OTUD7A: variants seen among roughly 807,000 people sequenced by gnomAD.
OTUD7A encodes the protein OTU deubiquitinase 7A, also known as OTU domain-containing protein 7A.
Under a neutral mutation model 65.7 loss-of-function variants are expected in OTUD7A, and 12 were observed. That is an observed-to-expected ratio of 0.18 (90% confidence interval 0.12 to 0.30). The LOEUF is 0.30. Ranked by LOEUF, OTUD7A falls within the 10% of genes least tolerant of loss-of-function variation. OTUD7A has a pLI of 1.00. For synonymous variants in OTUD7A, 641 were observed against 586.3 expected (o/e 1.09, Z -1.35); for missense variants, 1,148 against 1,304.8 (o/e 0.88, Z 1.85).
chr15:31,591,825 G>T (rs967865722), intron 3 of OTUD7A, among the ~76,000 whole-genome samples: 1 of 152,120 alleles, frequency 6.6e-6, no homozygotes, highest in African/African-American at 2.4e-5. Flanking sequence ...ATCATTGTGC[G>T]AACGAACATC....
chr15:31,618,831 T>A (rs1227584153), intron 3 of OTUD7A, among the ~76,000 whole-genome samples: 1 of 152,214 alleles, frequency 6.6e-6, no homozygotes, highest in Non-Finnish European at 1.5e-5. Flanking sequence ...TTTGGTGTTT[T>A]AGAGATGAGT....
chr15:31,755,582 C>T (rs1292283487), intron 1 of OTUD7A, among the ~76,000 whole-genome samples: 3 of 152,042 alleles, frequency 2.0e-5, no homozygotes, highest in Admixed American at 1.3e-4. Context: ...ATTAGCCAGG[C>T]GTGCTGGCGG....
intron 1 of OTUD7A, among the ~76,000 whole-genome samples, chr15:31,722,343 A>C (rs575951871): frequency 6.6e-6 from 1 of 152,332 alleles, no homozygotes; most frequent in East Asian, 1.9e-4. Flanking sequence ...ACACAGGTAT[A>C]TATTCTATGG....
At chr15:31,573,879 C>T (rs775995208) in intron 3 of OTUD7A, among the ~76,000 whole-genome samples, 2 of 151,796 alleles carry the variant, frequency 1.3e-5, no homozygotes, top group Non-Finnish European at 2.9e-5. Flanking sequence ...CCAGCCTGGG[C>T]GACAGAGCAA....
chr15:31,522,512 TTATATG>T, intron 8 of OTUD7A, among the ~76,000 whole-genome samples: 1 of 152,340 alleles, frequency 6.6e-6, no homozygotes, highest in East Asian at 1.9e-4. Context: ...TTAGATCTCT[TTATATG>T]TATGTCTTTT....
chr15:31,726,432 A>T (rs982315058), intron 1 of OTUD7A, among the ~76,000 whole-genome samples: 17 of 151,490 alleles, frequency 1.1e-4, no homozygotes, highest in Admixed American at 2.6e-4. Flanking sequence ...TTTCATAATT[A>T]AAAAAAAATC....
intron 8 of OTUD7A, among the ~76,000 whole-genome samples, chr15:31,520,362 A>C (rs970764934): frequency 6.6e-6 from 1 of 151,906 alleles, no homozygotes; most frequent in Non-Finnish European, 1.5e-5. Flanking sequence ...ATCTTCAACA[A>C]CACCAACAAA....
chr15:31,488,199 G>A (rs975620992), intron 10 of OTUD7A, among the ~76,000 whole-genome samples: 7 of 152,140 alleles, frequency 4.6e-5, no homozygotes, highest in African/African-American at 1.4e-4. Context: ...AGCCTTTTTC[G>A]GATGGGGTCA....
Position 31,484,022 on chromosome 15 carries a change from CG to C in OTUD7A, c.2073del (p.Ala692ProfsTer295), listed in dbSNP as rs2041189417. On this transcript the variant is annotated frameshift_variant, in exon 13 of 13. Coordinates refer to ENST00000307050, the MANE Select transcript of OTUD7A (RefSeq NM_001382637.1). LOFTEE classifies it low-confidence loss of function (END_TRUNC). The surrounding 1 kb of genome is among the most constrained non-coding windows in gnomAD (Gnocchi z 4.5). ...CGCTTGGCCGTGGCGGCGGCGGCGG[CG>C]GCGGCAGCGGCGGCCGCAGTAGCGG... is the stretch of plus-strand genomic sequence containing the variant. The part of the protein sequence containing the change: ...RDAATAAAAA[A>X]AAAAATAKRP... The C allele has an allele frequency of 4.9e-6, 6 of 1,222,864 alleles. No homozygotes were observed. Among genetic ancestry groups the C allele is most frequent in the Non-Finnish European group, 6.1e-6 (6 of 984,902 alleles). 75.8% of individuals were successfully genotyped at this position (1,222,864 alleles called of 1,614,324 possible).
intron 1 of OTUD7A, among the ~76,000 whole-genome samples, chr15:31,837,543 C>A (rs944839483): frequency 6.6e-6 from 1 of 151,000 alleles, no homozygotes; most frequent in Admixed American, 6.6e-5. Flanking sequence ...AAGACTCCAT[C>A]TCAAAAAAAA....
intron 3 of OTUD7A, among the ~76,000 whole-genome samples, chr15:31,591,127 G>C (rs372529076): frequency 2.9e-4 from 44 of 152,162 alleles, no homozygotes; most frequent in South Asian, 1.7e-3. Flanking sequence ...GGAAGAGGGA[G>C]GGCAATATGG....
chr15:31,627,962 G>C (rs893147612), intron 3 of OTUD7A, among the ~76,000 whole-genome samples: 8 of 151,874 alleles, frequency 5.3e-5, no homozygotes, highest in East Asian at 1.9e-4. Context: ...TTTTAAATTT[G>C]TTTGAGTTCA....
intron 1 of OTUD7A, among the ~76,000 whole-genome samples, chr15:31,720,028 C>T (rs1413523161): frequency 6.6e-6 from 1 of 152,160 alleles, no homozygotes; most frequent in Non-Finnish European, 1.5e-5. Context: ...AGCTTAAACG[C>T]TAATATAATT....
chr15:31,630,453 G>A (rs1367578688), intron 3 of OTUD7A, among the ~76,000 whole-genome samples: 1 of 152,214 alleles, frequency 6.6e-6, no homozygotes, highest in South Asian at 2.1e-4. Context: ...TGTGGTCTGA[G>A]AGACAGTTTG....
At chr15:31,677,211 C>A (rs1892613183) in intron 1 of OTUD7A, among the ~76,000 whole-genome samples, 1 of 152,160 alleles carries the variant, frequency 6.6e-6, no homozygotes, top group African/African-American at 2.4e-5. Context: ...TCAGTGACTC[C>A]AGGGGATAGT....
rs541334820 is a variant in OTUD7A, at chr15:31,581,704, C to A, written c.152-11507G>T. ...TGGGATTTGAGACTGCACAAAGCAG[C>A]AAGGCCCTGGGCCTGGCCCATGAAA... On this transcript the variant is annotated intron_variant, in intron 3 of 12. Transcript: ENST00000307050. Among the ~76,000 whole-genome samples the A allele has an allele frequency of 2.0e-5, 3 of 152,320 alleles. No homozygotes were observed. In the East Asian group the frequency reaches 5.8e-4, roughly 29 times the overall value.
intron 1 of OTUD7A, among the ~76,000 whole-genome samples, chr15:31,860,880 T>C (rs1038760465): frequency 7.1e-6 from 1 of 141,340 alleles, no homozygotes; most frequent in African/African-American, 2.6e-5. Flanking sequence ...TAATTTTTTT[T>C]TTTTTTTTTT....
intron 1 of OTUD7A, among the ~76,000 whole-genome samples, chr15:31,739,871 T>G (rs1894292776): frequency 6.6e-6 from 1 of 152,234 alleles, no homozygotes; most frequent in African/African-American, 2.4e-5. Context: ...GCGCCTGGCC[T>G]CACCATGTCT....
chr15:31,618,138 A>G (rs1332927555), intron 3 of OTUD7A, among the ~76,000 whole-genome samples: 1 of 152,178 alleles, frequency 6.6e-6, no homozygotes, highest in Non-Finnish European at 1.5e-5. Context: ...ATAGTATTCC[A>G]TGGTGTATAT....
Sources: gnomAD v4.1 joint callset for allele counts (sites outside exome capture counted in the v4.1 genomes callset) on GRCh38, gnomAD v4.1.1 for gene constraint, Gnocchi (gnomAD v3.1) non-coding constraint, MANE v1.5 for transcripts, NCBI Gene and HGNC (gene_info 2026-07-23, HGNC 2026-07-21) for gene names.